Variants in FTCDNL1 observed in about 807,000 individuals in gnomAD.
FTCDNL1 encodes formiminotransferase cyclodeaminase N-terminal like, also known as formiminotransferase N-terminal subdomain-containing protein.
FTCDNL1 carries 11 observed loss-of-function variants against 5.9 expected under a neutral mutation model. That is an observed-to-expected ratio of 1.87 (90% confidence interval 1.18 to 3.10). The LOEUF (loss-of-function observed/expected upper bound fraction) is 3.10, where lower values mean the gene tolerates loss of function less well. Among genes scored for constraint, FTCDNL1 ranks in the 30% most tolerant of loss-of-function variants. The pLI is 0.00. For synonymous variants in FTCDNL1, 58 were observed against 24.8 expected (o/e 2.34, Z -3.99); for missense variants, 115 against 65.5 (o/e 1.76, Z -2.61).
chr2:199,717,886 A>C, the FTCDNL1 span, among the ~76,000 whole-genome samples: 4 of 151,868 alleles, frequency 2.6e-5, no homozygotes, highest in Admixed American at 1.3e-4. Context: ...AGACAGCCAG[A>C]AGATCCACAA....
the FTCDNL1 span, among the ~76,000 whole-genome samples, chr2:199,698,618 G>GTCCCAGAAT: frequency 6.6e-6 from 1 of 152,128 alleles, no homozygotes; most frequent in African/African-American, 2.4e-5. Flanking sequence ...CTGGGACACA[G>GTCCCAGAAT]CTAAAGCAGT....
the FTCDNL1 span, among the ~76,000 whole-genome samples, chr2:199,721,088 C>T: frequency 2.6e-5 from 4 of 152,004 alleles, no homozygotes; most frequent in Non-Finnish European, 5.9e-5. Flanking sequence ...AATTATCTGC[C>T]GCTTGTCTCT....
At chr2:199,671,515 C>A in the FTCDNL1 span, among the ~76,000 whole-genome samples, 2 of 152,014 alleles carry the variant, frequency 1.3e-5, no homozygotes, top group South Asian at 2.1e-4. Context: ...ATATCCTGGA[C>A]GAGTCAAGTC....
chr2:199,841,132 C>T (rs1405371285), intron 3 of FTCDNL1, among the ~76,000 whole-genome samples: 1 of 151,636 alleles, frequency 6.6e-6, no homozygotes, highest in Non-Finnish European at 1.5e-5. Context: ...GCCTGGCCAA[C>T]CCAGCGAGAT....
At chr2:199,815,970 A>C (rs1165001991) in intron 4 of FTCDNL1, among the ~76,000 whole-genome samples, 1 of 151,790 alleles carries the variant, frequency 6.6e-6, no homozygotes, top group African/African-American at 2.4e-5. Context: ...ACTGCACTCC[A>C]GCCTGGGTGA....
the FTCDNL1 span, among the ~76,000 whole-genome samples, chr2:199,729,695 ATAT>A: frequency 7.2e-5 from 11 of 152,312 alleles, no homozygotes; most frequent in East Asian, 2.1e-3. Context: ...GCTCAAGGAA[ATAT>A]TATAGGATGC....
intron 3 of FTCDNL1, among the ~76,000 whole-genome samples, chr2:199,765,102 G>A (rs1698451396): frequency 2.0e-5 from 3 of 152,096 alleles, no homozygotes; most frequent in South Asian, 4.1e-4. Flanking sequence ...AACATGAGGA[G>A]GAATGAATAG....
At chr2:199,825,829 G>A (rs1035293708) in intron 3 of FTCDNL1, among the ~76,000 whole-genome samples, 5 of 152,162 alleles carry the variant, frequency 3.3e-5, no homozygotes, top group African/African-American at 1.2e-4. Context: ...TTCATTCATA[G>A]CAATGCAAAT....
the FTCDNL1 span, among the ~76,000 whole-genome samples, chr2:199,711,372 G>T: frequency 7.4e-6 from 1 of 134,594 alleles, no homozygotes; most frequent in South Asian, 2.5e-4. Flanking sequence ...GTGAGGGGGC[G>T]GGGGGGGGAT....
chr2:199,697,212 C>T, the FTCDNL1 span, among the ~76,000 whole-genome samples: 21 of 152,094 alleles, frequency 1.4e-4, no homozygotes, highest in African/African-American at 4.6e-4. Context: ...GCAGAGCTTG[C>T]AATGAGCAGA....
intron 4 of FTCDNL1, chr2:199,818,972 TGAGGGCAG>T (rs1701518811): frequency 6.6e-6 from 1 of 151,764 alleles, no homozygotes; most frequent in African/African-American, 2.4e-5. Flanking sequence ...GGGCAGGGAG[TGAGGGCAG>T]GAGCAGCACA....
the FTCDNL1 span, among the ~76,000 whole-genome samples, chr2:199,723,383 C>A: frequency 6.6e-6 from 1 of 152,076 alleles, no homozygotes; most frequent in African/African-American, 2.4e-5. Flanking sequence ...ATTTCTTTCT[C>A]TTGCCTAATT....
the FTCDNL1 span, among the ~76,000 whole-genome samples, chr2:199,751,187 A>T: frequency 6.6e-6 from 1 of 152,150 alleles, no homozygotes; most frequent in East Asian, 1.9e-4. Flanking sequence ...TGCTTCCCTC[A>T]CAGGAGTGTG....
intron 3 of FTCDNL1, among the ~76,000 whole-genome samples, chr2:199,828,296 C>G (rs1044516849): frequency 6.6e-6 from 1 of 151,986 alleles, no homozygotes; most frequent in Non-Finnish European, 1.5e-5. Flanking sequence ...AAAAATCATC[C>G]CCTGTAACTT....
intron 3 of FTCDNL1, among the ~76,000 whole-genome samples, chr2:199,822,472 G>A (rs1452296777): frequency 6.6e-6 from 1 of 152,170 alleles, no homozygotes; most frequent in Non-Finnish European, 1.5e-5. Context: ...TTTTGCTGGT[G>A]GACATTCTGG....
At chr2:199,731,332 C>T in the FTCDNL1 span, among the ~76,000 whole-genome samples, 3 of 152,264 alleles carry the variant, frequency 2.0e-5, no homozygotes, top group South Asian at 2.1e-4. Context: ...GTACATTCTA[C>T]ACATGTATCC....
In FTCDNL1 at chr2:199,836,312, G is replaced by A. The variant is rs867421962; in HGVS notation, c.211+9763C>T. 9.2e-5 allele frequency among the ~76,000 whole-genome samples: 14 copies of A among 152,052 alleles called. No homozygotes were observed. The Middle Eastern group carries it at 0.01, about 111-fold the overall frequency. ...CCCAAGTAACTAAGACTACAGGCAC[G>A]CACTACCACACCCAGCTAATGTTTT... On this transcript the variant is annotated intron_variant, in intron 3 of 4. Transcript: ENST00000420128.
At chr2:199,682,990 T>C in the FTCDNL1 span, among the ~76,000 whole-genome samples, 6 of 152,218 alleles carry the variant, frequency 3.9e-5, no homozygotes, top group African/African-American at 1.4e-4. Flanking sequence ...TCAATGAATG[T>C]CATCATTTGG....
chr2:199,671,036 T>C, the FTCDNL1 span, among the ~76,000 whole-genome samples: 1 of 152,018 alleles, frequency 6.6e-6, no homozygotes, highest in South Asian at 2.1e-4. Context: ...AGAAGGTCAG[T>C]GGAAAACCCT....
Sources: allele counts gnomAD v4.1 joint callset (sites outside exome capture counted in the v4.1 genomes callset), GRCh38; gene constraint gnomAD v4.1.1; transcripts MANE v1.5; gene names NCBI Gene and HGNC (gene_info 2026-07-23, HGNC 2026-07-21).